Variants in MYO15A observed in about 807,000 individuals in gnomAD.
The protein encoded by MYO15A is myosin XVA, also known as unconventional myosin-XV.
In MYO15A, 308 loss-of-function variants were observed where a neutral mutation model predicts 394.6. That is an observed-to-expected ratio of 0.78 (90% CI 0.71 to 0.86). MYO15A has a LOEUF of 0.86. MYO15A is among the 40% of genes least tolerant of loss of function. The pLI, the probability that MYO15A is intolerant of heterozygous loss-of-function variation, is 0.00. For synonymous variants in MYO15A, 1,957 were observed against 2,003.8 expected, an observed-to-expected ratio of 0.98 and a Z score of 0.62; for missense variants, 4,606 against 4,799.1, an observed-to-expected ratio of 0.96 and a Z score of 1.19.
chr17:18,167,499 A>G, intron 61 of MYO15A, 91 bp from the exon 62 acceptor site: 2 of 1,582,500 alleles, frequency 1.3e-6, no homozygotes, highest in Non-Finnish European at 1.7e-6. Flanking sequence ...TGGGGCTGCA[A>G]TCATTAAACA....
At chr17:18,137,458 G>A in intron 15 of MYO15A, 126 bp from the exon 16 acceptor site, 1 of 757,336 alleles carries the variant, frequency 1.3e-6, no homozygotes, top group African/African-American at 1.7e-5. Flanking sequence ...CAGGAGCTGT[G>A]GAGGGTTGTG....
chr17:18,139,617 C>A lies in MYO15A; in HGVS notation c.5211+6C>A, dbSNP rs565961673. ...TCGTACGGAGCCGGACACGGGTAAGCCTCGCCTCCCACCGCTCTGGCCCTG... is the reference window on the plus strand; with the variant it reads ...TCGTACGGAGCCGGACACGGGTAAGACTCGCCTCCCACCGCTCTGGCCCTG... On this transcript the variant is annotated splice_donor_region_variant and intron_variant, in intron 19 of 65. Transcript: ENST00000647165. 2.5e-6 allele frequency: 4 copies of A among 1,613,716 alleles called. No individual in the cohort carries two copies. The South Asian group carries it at 4.4e-5, about 18-fold the overall frequency.
chr17:18,158,304 G>A, intron 51 of MYO15A: 1 of 596,932 alleles, frequency 1.7e-6, no homozygotes, highest in Non-Finnish European at 3.0e-6. Flanking sequence ...GCAAGGGCGT[G>A]GCCAAGTGGG....
At chr17:18,125,534 A>T (rs1217877410) in intron 4 of MYO15A, 1 of 340,928 alleles carries the variant, frequency 2.9e-6, no homozygotes, top group African/African-American at 2.3e-5. Context: ...CTCTACTAAA[A>T]ATACAAAAAA....
At position 18,141,211 on chromosome 17, in the gene MYO15A, C is replaced by T. The variant is rs557546971; in HGVS notation, c.5531+68C>T. On this transcript the variant is annotated intron_variant, in intron 22 of 65. Transcript: ENST00000647165. ...CCAACTCCCCATGGCCCCAGGAATA[C>T]ACAACCCAGGCAGTACAGGGCTTGC... 2.1e-5 allele frequency: 33 copies of T among 1,605,892 alleles called. No individual in the cohort carries two copies. In the African/African-American group the frequency reaches 3.6e-4, roughly 18 times the overall value.
At position 18,162,468 on chromosome 17, in the gene MYO15A, T is replaced by C; in HGVS notation, c.9518-117T>C. On this transcript the variant is annotated intron_variant, in intron 57 of 65. Coordinates refer to ENST00000647165, the MANE Select transcript of MYO15A (RefSeq NM_016239.4). The stretch of plus-strand genomic sequence containing the variant: ...CTCAACTGTCAAATGGGGGAGTAAA[T>C]GCCTTCCCCACAGCTTGTGGAGAGA... The C allele has an allele frequency of 8.9e-6, 8 of 898,738 alleles. No individual in the cohort carries two copies. The South Asian group carries it at 1.1e-4, about 13-fold the overall frequency. The allele number at this position is 898,738 out of a possible 1,614,324, so 55.7% of individuals were successfully genotyped here. A position where few individuals can be genotyped will look rare whatever the true frequency, so the allele number is the denominator to read the frequency against.
chr17:18,117,334 CCACT>C lies in MYO15A; in HGVS notation c.-219-1247_-219-1244del, dbSNP rs1411674968. On this transcript the variant is annotated intron_variant, in intron 1 of 65. Transcript: ENST00000647165. The surrounding 1 kb of genome is among the most constrained non-coding windows in gnomAD (Gnocchi z 4.1). ...CTGCATGGTCCCCTCTCTGCTCCTG[CCACT>C]TACCTGGGAAGGCCTCACCCTGTCC... 2.0e-5 allele frequency among the ~76,000 whole-genome samples: 3 copies of C among 152,232 alleles called. No homozygotes were observed. The highest frequency in any genetic ancestry group is 7.2e-5 in the African/African-American group (3 of 41,462).
At chr17:18,126,504 C>G in intron 5 of MYO15A, 48 bp downstream of exon 5, 1 of 1,554,854 alleles carries the variant, frequency 6.4e-7, no homozygotes, top group Non-Finnish European at 8.8e-7. Flanking sequence ...GCCCCTCTTT[C>G]CCCTGCTCTG....
intron 25 of MYO15A, 141 bp from the exon 26 acceptor site, chr17:18,143,425 T>A (rs1261003934): frequency 2.2e-6 from 2 of 917,530 alleles, no homozygotes; most frequent in Admixed American, 2.0e-5. Context: ...ACCTGTGGAG[T>A]GGGGCAGTCA....
chr17:18,153,680 A>G lies in MYO15A; in HGVS notation c.7967-95A>G, dbSNP rs2046623741. Reference sequence around the variant, plus strand: ...GCCACTGCACTCTAGCCTGGGGGACAACAGCGAAACTCCGTCTCAAAAATA... The same window carrying G: ...GCCACTGCACTCTAGCCTGGGGGACGACAGCGAAACTCCGTCTCAAAAATA... On this transcript the variant is annotated intron_variant, in intron 42 of 65. Coordinates refer to ENST00000647165, the MANE Select transcript of MYO15A (RefSeq NM_016239.4). The surrounding 1 kb of genome is among the most constrained non-coding windows in gnomAD (Gnocchi z 4.1). 1 of 1,234,988 alleles carries G rather than the reference A, an allele frequency of 8.1e-7. No homozygotes were observed. The highest frequency in any genetic ancestry group is 1.0e-6 in the Non-Finnish European group (1 of 961,468). 76.5% of individuals were successfully genotyped at this position (1,234,988 alleles called of 1,614,324 possible).
At chr17:18,138,718 T>C (rs750751454) in intron 17 of MYO15A, 93 bp from the exon 18 acceptor site, 87 of 1,522,430 alleles carry the variant, frequency 5.7e-5, no homozygotes, top group Non-Finnish European at 7.3e-5. Flanking sequence ...TGGTGCTCAG[T>C]TGGGAGCAGT....
chr17:18,116,201 G>C (rs1406050925), intron 1 of MYO15A, among the ~76,000 whole-genome samples: 1 of 152,250 alleles, frequency 6.6e-6, no homozygotes, highest in Non-Finnish European at 1.5e-5. Flanking sequence ...AGAGGCCTTG[G>C]TGCCTGTTGG....
At position 18,155,196 on chromosome 17, in the gene MYO15A, G is replaced by T; in HGVS notation, c.8311G>T (p.Val2771Phe). 6.2e-7 allele frequency: 1 copy of T among 1,613,950 alleles called. No homozygotes were observed. The highest frequency in any genetic ancestry group is 8.5e-7 in the Non-Finnish European group (1 of 1,180,010). Residue 2771 changes from valine to phenylalanine, a missense_variant, in exon 46 of 66, where the codon GTC becomes TTC. By Grantham distance (50) the Val-to-Phe change is conservative. This residue lies in a region of MYO15A where 2,776 missense variants were observed against 3,109.3 expected (regional missense o/e 0.89). Coordinates refer to ENST00000647165, the MANE Select transcript of MYO15A (RefSeq NM_016239.4). ...CAGCACTGCACGAGACACCTGGGAGGTCTACTTCTCCCGCATCTTCCCCGC... is the reference window on the plus strand; with the variant it reads ...CAGCACTGCACGAGACACCTGGGAGTTCTACTTCTCCCGCATCTTCCCCGC... Reference protein sequence around the residue: ...VVSTARDTWEVYFSRIFPATG... With the variant: ...VVSTARDTWEFYFSRIFPATG...
chr17:18,137,907 TCTC>T (rs1361642067), intron 16 of MYO15A: 2 of 845,308 alleles, frequency 2.4e-6, no homozygotes, highest in Non-Finnish European at 3.7e-6. Flanking sequence ...GGGTCCTTCT[TCTC>T]CTCTACTGGG....
At chr17:18,158,693 T>A in intron 52 of MYO15A, 55 bp downstream of exon 52, 1 of 1,589,842 alleles carries the variant, frequency 6.3e-7, no homozygotes, top group African/African-American at 1.3e-5. Context: ...GGCTTCTTGC[T>A]GCCATCCAAA....
intron 7 of MYO15A, among the ~76,000 whole-genome samples, chr17:18,128,135 G>T (rs2046086945): frequency 6.6e-6 from 1 of 152,124 alleles, no homozygotes; most frequent in South Asian, 2.1e-4. Context: ...ACAGACTGGG[G>T]TGTGAGAGGG....
intron 44 of MYO15A, among the ~76,000 whole-genome samples, 157 bp downstream of exon 44, chr17:18,154,347 T>C (rs1048570151): frequency 1.3e-5 from 2 of 152,138 alleles, no homozygotes; most frequent in Admixed American, 6.5e-5. Flanking sequence ...CCCCCTCCCA[T>C]GGGCAGGGTC....
At chr17:18,154,567 C>A in intron 44 of MYO15A, 113 bp from the exon 45 acceptor site, 1 of 1,058,968 alleles carries the variant, frequency 9.4e-7, no homozygotes, top group Non-Finnish European at 1.5e-6. Context: ...CAGATGACCC[C>A]ACTGCTGCAA....
intron 16 of MYO15A, 137 bp from the exon 17 acceptor site, chr17:18,137,978 G>C (rs533669368): frequency 2.0e-4 from 253 of 1,250,298 alleles, no homozygotes; most frequent in Non-Finnish European, 2.5e-4. Context: ...CCTTATTAGG[G>C]GGTGAGCTCC....
Sources: gnomAD v4.1 joint callset for allele counts (sites outside exome capture counted in the v4.1 genomes callset) on GRCh38, gnomAD v4.1.1 for gene constraint, gnomAD v4.1.1 regional missense constraint, Gnocchi (gnomAD v3.1) non-coding constraint, MANE v1.5 for transcripts, NCBI Gene and HGNC (gene_info 2026-07-23, HGNC 2026-07-21) for gene names.